CCDC7: variants seen among roughly 807,000 people sequenced by gnomAD.
CCDC7 encodes coiled-coil domain-containing protein 7.
In CCDC7, 183 loss-of-function variants were observed where a neutral mutation model predicts 196.9. The observed-to-expected ratio is 0.93, with a 90% CI of 0.82 to 1.05. The LOEUF is 1.05. CCDC7 is among the 50% of genes least tolerant of loss of function. The pLI is 0.00. For synonymous variants in CCDC7, 525 were observed against 484.6 expected, an observed-to-expected ratio of 1.08 and a Z score of -1.10; for missense variants, 1,540 against 1,482.2, an observed-to-expected ratio of 1.04 and a Z score of -0.64.
chr10:32,521,831 T>G (rs2047926168), intron 11 of CCDC7, among the ~76,000 whole-genome samples: 1 of 152,134 alleles, frequency 6.6e-6, no homozygotes, highest in African/African-American at 2.4e-5. Flanking sequence ...AAACTGGCTG[T>G]GGGTTTATCA....
At chr10:32,769,548 G>C (rs2078845582) in intron 28 of CCDC7, among the ~76,000 whole-genome samples, 1 of 151,966 alleles carries the variant, frequency 6.6e-6, no homozygotes, top group African/African-American at 2.4e-5. Flanking sequence ...TTGTTACGTA[G>C]GTATACATGT....
intron 29 of CCDC7, among the ~76,000 whole-genome samples, chr10:32,792,241 T>C (rs1373906861): frequency 6.6e-6 from 1 of 152,112 alleles, no homozygotes; most frequent in East Asian, 1.9e-4. Context: ...AATACTATCA[T>C]GAATACATAT....
At chr10:32,458,478 T>C (rs60789018) in intron 3 of CCDC7, among the ~76,000 whole-genome samples, 2 of 8,128 alleles carry the variant, frequency 2.5e-4, no homozygotes, top group South Asian at 0.016. Flanking sequence ...TGTGTGTGTG[T>C]GTGCTTTTTT....
At chr10:32,836,958 A>T (rs2092653943) in intron 33 of CCDC7, among the ~76,000 whole-genome samples, 1 of 152,190 alleles carries the variant, frequency 6.6e-6, no homozygotes. Context: ...GTAGACCTAA[A>T]ACCATAAAAA....
chr10:32,836,636 A>G (rs540164883), intron 33 of CCDC7, among the ~76,000 whole-genome samples: 141 of 152,280 alleles, frequency 9.3e-4, no homozygotes, highest in African/African-American at 3.2e-3. Flanking sequence ...ATGGCCAGTG[A>G]TGATGAGCAT....
At chr10:32,685,325 A>G (rs1257549054) in intron 21 of CCDC7, among the ~76,000 whole-genome samples, 1 of 151,820 alleles carries the variant, frequency 6.6e-6, no homozygotes, top group East Asian at 1.9e-4. Context: ...ATTATTAACC[A>G]TAACTTTCAT....
At position 32,632,271 on chromosome 10, in the gene CCDC7, A is replaced by G. The variant is rs116994089; in HGVS notation, c.1802-1983A>G. Among the ~76,000 whole-genome samples the G allele has an allele frequency of 7.9e-3, 1,199 of 151,848 alleles. 7 individuals carry two copies. The highest frequency in any genetic ancestry group is 0.021 in the Middle Eastern group (6 of 292). On this transcript the variant is annotated intron_variant, in intron 18 of 41. Transcript: ENST00000639629. ...CATTAAGTATAATGCTAGCTATGAA[A>G]TTCCCTTTCATTTTCAGTTTGTTGA...
chr10:32,667,862 G>C (rs2140577492), intron 21 of CCDC7, among the ~76,000 whole-genome samples: 1 of 152,134 alleles, frequency 6.6e-6, no homozygotes, highest in East Asian at 1.9e-4. Flanking sequence ...GCTCTTTTTT[G>C]GTTCCATATG....
At chr10:32,594,826 G>T in intron 18 of CCDC7, among the ~76,000 whole-genome samples, 1 of 152,144 alleles carries the variant, frequency 6.6e-6, no homozygotes, top group Non-Finnish European at 1.5e-5. Flanking sequence ...TTTTGTCATT[G>T]GTTCTGTTTA....
chr10:32,775,230 T>A (rs2079819070), intron 28 of CCDC7, among the ~76,000 whole-genome samples: 1 of 152,198 alleles, frequency 6.6e-6, no homozygotes, highest in South Asian at 2.1e-4. Flanking sequence ...GACTATTATC[T>A]CTTAGTATTC....
intron 25 of CCDC7, among the ~76,000 whole-genome samples, chr10:32,721,832 A>G (rs1303137393): frequency 6.6e-6 from 1 of 152,112 alleles, no homozygotes; most frequent in Non-Finnish European, 1.5e-5. Context: ...TCAATATAGT[A>G]GAAGGTTAGA....
At chr10:32,709,407 C>T (rs1389739469) in intron 24 of CCDC7, among the ~76,000 whole-genome samples, 5 of 151,890 alleles carry the variant, frequency 3.3e-5, no homozygotes, top group Non-Finnish European at 5.9e-5. Flanking sequence ...CAACATGGCA[C>T]ATGTATACAT....
intron 13 of CCDC7, among the ~76,000 whole-genome samples, chr10:32,553,763 A>G (rs186487100): frequency 2.0e-5 from 3 of 152,068 alleles, no homozygotes; most frequent in Non-Finnish European, 4.4e-5. Context: ...GTCCTGTGAT[A>G]TGGTGGTTTA....
intron 9 of CCDC7, chr10:32,514,187 G>A (rs184073058): frequency 7.2e-4 from 110 of 152,286 alleles, no homozygotes; most frequent in African/African-American, 2.4e-3. Context: ...TACACTAGCT[G>A]TTATGGGTTG....
chr10:32,847,888 G>GA lies in CCDC7; in HGVS notation c.3745dup (p.Ile1249AsnfsTer10), dbSNP rs2093374260. 6.2e-7 allele frequency: 1 copy of GA among 1,609,932 alleles called. No homozygotes were observed. The highest frequency in any genetic ancestry group is 2.2e-5 in the East Asian group (1 of 44,712). Reference sequence around the variant, plus strand: ...TTGGTTCAAGTAAAACAATTGGTGAGATAAAGACACAACTAAGGACTCACT... The same window carrying GA: ...TTGGTTCAAGTAAAACAATTGGTGAGAATAAAGACACAACTAAGGACTCACT... On this transcript the variant is annotated frameshift_variant, in exon 38 of 42. Transcript: ENST00000639629. LOFTEE classifies it high-confidence loss of function.
At chr10:32,574,372 C>T in intron 16 of CCDC7, 2 of 1,381,840 alleles carry the variant, frequency 1.4e-6, no homozygotes, top group South Asian at 3.8e-5. Context: ...AAAATTCAAA[C>T]TATTAAGCAC....
intron 31 of CCDC7, 93 bp from the exon 33 acceptor site, chr10:32,824,425 G>T (rs932091648): frequency 1.4e-6 from 1 of 693,852 alleles, no homozygotes; most frequent in Admixed American, 2.6e-5. Flanking sequence ...CTCCAATGAA[G>T]AATATTAATT....
rs1564549223 is a variant in CCDC7 at position 32,525,745 on chromosome 10, G to T, written c.993+7240G>T. Among the ~76,000 whole-genome samples the T allele has an allele frequency of 3.9e-5, 6 of 152,326 alleles. No individual in the cohort carries two copies. The South Asian group carries it at 1.2e-3, about 32-fold the overall frequency. On this transcript the variant is annotated intron_variant, in intron 11 of 41. Coordinates refer to ENST00000639629, the Ensembl canonical transcript of CCDC7. ...CTTGGGCCCCAAGCCCAATAATGCT[G>T]TATTTTTTGCAGACTCTTAGAGGTA...
chr10:32,524,038 G>A (rs2048285663), intron 11 of CCDC7, among the ~76,000 whole-genome samples: 1 of 141,426 alleles, frequency 7.1e-6, no homozygotes, highest in Non-Finnish European at 1.6e-5. Flanking sequence ...TTGTTTTCTG[G>A]TTGTTTTACA....
Sources: allele counts gnomAD v4.1 joint callset (sites outside exome capture counted in the v4.1 genomes callset), GRCh38; gene constraint gnomAD v4.1.1; transcripts MANE v1.5; gene names NCBI Gene and HGNC (gene_info 2026-07-23, HGNC 2026-07-21).